The following TACC3 variants were observed in gnomAD, a reference collection of about 807,000 sequenced individuals.
TACC3 encodes transforming acidic coiled-coil containing protein 3, also known as transforming acidic coiled-coil-containing protein 3.
TACC3 carries 52 observed loss-of-function variants against 86.0 expected under a neutral mutation model. The observed-to-expected ratio is 0.60, with a 90% CI of 0.48 to 0.76. TACC3 has a LOEUF of 0.76. Ranked by LOEUF, TACC3 falls within the 30% of genes least tolerant of loss-of-function variation. The pLI, the probability that TACC3 is intolerant of heterozygous loss-of-function variation, is 0.00. For missense variants in TACC3, 1,120 were observed against 1,070.4 expected (o/e 1.05, Z -0.65); for synonymous variants, 512 against 430.0 (o/e 1.19, Z -2.36).
Position 1,723,890 on chromosome 4 carries a change from G to A in TACC3, c.305+20G>A. The A allele has an allele frequency of 6.2e-7, 1 of 1,611,912 alleles. No homozygotes were observed. Among genetic ancestry groups the A allele is most frequent in the Non-Finnish European group, 8.5e-7 (1 of 1,179,240 alleles). ...AGAGAAGTAAGTGTTGGTGCTGCTG[G>A]ACATGCTGGAGCTTCACCCTCTCTG... On this transcript the variant is annotated intron_variant, in intron 3 of 15. Transcript: ENST00000313288.
At position 1,728,193 on chromosome 4, in the gene TACC3, C is replaced by T; in HGVS notation, c.791C>T (p.Pro264Leu). 6.2e-7 allele frequency: 1 copy of T among 1,611,698 alleles called. No homozygotes were observed. Among genetic ancestry groups the T allele is most frequent in the Non-Finnish European group, 8.5e-7 (1 of 1,179,520 alleles). Residue 264 changes from proline (P) to leucine (L), a missense_variant, in exon 4 of 16, where the codon CCC becomes CTC. Physicochemically the swap from Pro to Leu is moderately conservative, Grantham distance 98. Coordinates refer to ENST00000313288, the MANE Select transcript of TACC3 (RefSeq NM_006342.3). ...AIPKEACGGA[P>L]LQGLPGEALG... is the part of the protein sequence containing the mutation. ...CCTAAGGAAGCCTGCGGAGGAGCAC[C>T]CCTGCAGGGTCTGCCTGGCGAAGCC... is the stretch of plus-strand genomic sequence containing the variant.
chr4:1,735,956 G>T lies in TACC3; in HGVS notation c.1748+122G>T. The T allele has an allele frequency of 1.4e-6, 1 of 740,566 alleles. No individual in the cohort carries two copies. 45.9% of individuals were successfully genotyped at this position (740,566 alleles called of 1,614,324 possible). ...GGGGGGAGATGATCAGAACTGGAAA[G>T]GAGCTGTGCTAGGGGTGGGCTGGGC... On this transcript the variant is annotated intron_variant, in intron 8 of 15. Transcript: ENST00000313288. This position sits in a 1 kb window ranked among gnomAD's most constrained non-coding sequence, Gnocchi z 4.2.
intron 3 of TACC3, 51 bp downstream of exon 3, chr4:1,723,921 T>G (rs747489203): frequency 1.3e-6 from 2 of 1,596,538 alleles, no homozygotes; most frequent in Non-Finnish European, 1.7e-6. Context: ...CTCTGTCCGA[T>G]GGTTCTTGCA....
chr4:1,725,763 GC>G (rs1443043363), intron 3 of TACC3, among the ~76,000 whole-genome samples: 1 of 152,236 alleles, frequency 6.6e-6, no homozygotes. Context: ...CTCTGCTGAG[GC>G]CCAGGTGGTG....
intron 3 of TACC3, among the ~76,000 whole-genome samples, 159 bp downstream of exon 3, chr4:1,724,029 C>T (rs1304977668): frequency 2.6e-5 from 4 of 152,152 alleles, no homozygotes; most frequent in Admixed American, 6.5e-5. Flanking sequence ...AGTGCAGTGG[C>T]GCGATGTCCG....
At chr4:1,734,229 C>T (rs1483556361) in intron 6 of TACC3, among the ~76,000 whole-genome samples, 1 of 152,110 alleles carries the variant, frequency 6.6e-6, no homozygotes, top group Non-Finnish European at 1.5e-5. Context: ...GCTCTGTCGC[C>T]CAGGCTGGAG....
chr4:1,722,689 C>T (rs985936876), intron 1 of TACC3, among the ~76,000 whole-genome samples: 7 of 152,208 alleles, frequency 4.6e-5, no homozygotes, highest in African/African-American at 1.7e-4. Flanking sequence ...TCTCTGGCAG[C>T]CTTTTTCCCT....
chr4:1,744,971 C>G lies in TACC3; in HGVS notation c.2475C>G (p.Thr825=). ...EQKTKENEEL[T]RICDDLISKM... is the part of the protein sequence containing the mutation. ...AGACTAAAGAGAACGAGGAGCTGAC[C>G]AGGATCTGCGACGACCTCATCTCCA... Residue 825 remains threonine, a synonymous_variant, in exon 16 of 16, where the codon ACC becomes ACG. Transcript: ENST00000313288. The G allele has an allele frequency of 6.2e-7, 1 of 1,611,622 alleles. No individual in the cohort carries two copies. Among genetic ancestry groups the G allele is most frequent in the Non-Finnish European group, 8.5e-7 (1 of 1,179,390 alleles).
At chr4:1,720,973 CCGCCGCCCGGCCGCCCGCGGGG>C, upstream of TACC3, 1 of 408,336 alleles carries the variant, frequency 2.4e-6, no homozygotes, top group African/African-American at 2.1e-5. This position sits in a 1 kb window ranked among gnomAD's most constrained non-coding sequence, Gnocchi z 4.4. Flanking sequence ...ACATGGAGTC[CCGCCGCCCGGCCGCCCGCGGGG>C]CACTCTAGGA....
At chr4:1,728,820 T>G (rs1717856956) in intron 4 of TACC3, 33 bp downstream of exon 4, 5 of 1,560,768 alleles carry the variant, frequency 3.2e-6, no homozygotes, top group African/African-American at 1.4e-5. Flanking sequence ...GAGCGTGGCG[T>G]GGGGCAGCTG....
intron 12 of TACC3, 29 bp from the exon 13 acceptor site, chr4:1,740,797 T>C: frequency 6.3e-7 from 1 of 1,596,596 alleles, no homozygotes; most frequent in Non-Finnish European, 8.5e-7. Context: ...TGCCTCCTCA[T>C]CCTGAACGTT....
intron 4 of TACC3, 85 bp downstream of exon 4, chr4:1,728,872 C>G: frequency 7.4e-7 from 1 of 1,346,740 alleles, no homozygotes; most frequent in Non-Finnish European, 1.0e-6. Context: ...CCAGAAGTGT[C>G]ATCAGATACT....
chr4:1,745,064 T>G lies in TACC3; in HGVS notation c.*51T>G, dbSNP rs374553386. The stretch of plus-strand genomic sequence containing the variant: ...CCCCTGCTCCCGTCTGTCTGTCCTG[T>G]CTGATTCTCTTAGGTGTCATGTTCT... On this transcript the variant is annotated 3_prime_UTR_variant, in exon 16 of 16. Coordinates refer to ENST00000313288, the MANE Select transcript of TACC3 (RefSeq NM_006342.3). 4.9e-5 allele frequency: 75 copies of G among 1,544,758 alleles called. No homozygotes were observed. In the African/African-American group the frequency reaches 8.4e-4, roughly 17 times the overall value.
At chr4:1,720,839 G>C (rs767078157), upstream of TACC3, 1 of 1,573,016 alleles carries the variant, frequency 6.4e-7, no homozygotes, top group Non-Finnish European at 8.6e-7. The surrounding 1 kb of genome is among the most constrained non-coding windows in gnomAD (Gnocchi z 4.4). Flanking sequence ...GCTGTCCATC[G>C]CGCAGCCGCC....
chr4:1,723,229 C>A, intron 1 of TACC3, 192 bp from the exon 2 acceptor site: 1 of 625,994 alleles, frequency 1.6e-6, no homozygotes, highest in South Asian at 2.0e-5. Context: ...GAGAGTGAGT[C>A]TCTGAAGCAA....
chr4:1,734,780 C>T (rs914578791), intron 6 of TACC3, among the ~76,000 whole-genome samples: 3 of 152,100 alleles, frequency 2.0e-5, no homozygotes, highest in South Asian at 2.1e-4. Context: ...AAGGAGTTCT[C>T]CTGCCTCAGC....
chr4:1,741,606 C>T (rs10024582), intron 13 of TACC3: 4,425 of 152,496 alleles, frequency 0.029, 96 homozygotes, highest in South Asian at 0.065. Context: ...AGGTGCTCAA[C>T]GCCTCCTGTG....
intron 3 of TACC3, among the ~76,000 whole-genome samples, chr4:1,724,404 T>C (rs112995286): frequency 4.9e-5 from 7 of 143,232 alleles, no homozygotes; most frequent in Non-Finnish European, 9.1e-5. Flanking sequence ...TTTTTTTTTT[T>C]TCTGGAGACA....
At chr4:1,738,743 G>A (rs1404795017) in intron 10 of TACC3, among the ~76,000 whole-genome samples, 1 of 152,182 alleles carries the variant, frequency 6.6e-6, no homozygotes, top group Non-Finnish European at 1.5e-5. Context: ...GTTGGCTAAG[G>A]TTGGACCACA....
Sources: allele counts gnomAD v4.1 joint callset (sites outside exome capture counted in the v4.1 genomes callset), GRCh38; gene constraint gnomAD v4.1.1; non-coding constraint Gnocchi (gnomAD v3.1); transcripts MANE v1.5; gene names NCBI Gene and HGNC (gene_info 2026-07-23, HGNC 2026-07-21).